The following ZFAND3 variants were observed in gnomAD, a reference collection of about 807,000 sequenced individuals.
ZFAND3 encodes the protein zinc finger AN1-type containing 3.
In ZFAND3, 10 loss-of-function variants were observed where a neutral mutation model predicts 29.6. That is an observed-to-expected ratio of 0.34 (90% confidence interval 0.21 to 0.57). ZFAND3 has a LOEUF of 0.57. ZFAND3 is among the 20% of genes least tolerant of loss of function. The pLI is 0.86. For missense variants in ZFAND3, 230 were observed against 304.5 expected (o/e 0.76, Z 1.82); for synonymous variants, 128 against 112.6 (o/e 1.14, Z -0.87).
At chr6:38,055,123 G>C (rs1272528877) in intron 2 of ZFAND3, among the ~76,000 whole-genome samples, 3 of 152,164 alleles carry the variant, frequency 2.0e-5, no homozygotes, top group African/African-American at 7.2e-5. Context: ...CCAAACTCTT[G>C]AGATATGGGA....
chr6:37,852,224 G>C (rs1009345102), intron 1 of ZFAND3, among the ~76,000 whole-genome samples: 4 of 152,168 alleles, frequency 2.6e-5, no homozygotes, highest in African/African-American at 9.7e-5. Context: ...GGATGGATTT[G>C]TCTTCCAAGG....
At chr6:38,119,271 T>C (rs571862776) in intron 5 of ZFAND3, among the ~76,000 whole-genome samples, 144 of 152,278 alleles carry the variant, frequency 9.5e-4, no homozygotes, top group Admixed American at 2.0e-3. Flanking sequence ...TGTACTGTTA[T>C]TTCCTTGAGG....
At chr6:38,066,836 T>C (rs1764355652) in intron 3 of ZFAND3, among the ~76,000 whole-genome samples, 1 of 152,188 alleles carries the variant, frequency 6.6e-6, no homozygotes, top group South Asian at 2.1e-4. Context: ...AAGAATTTCT[T>C]AATACGCTTC....
At position 37,863,179 on chromosome 6, in the gene ZFAND3, A is replaced by G. The variant is rs77466362; in HGVS notation, c.71+43163A>G. On this transcript the variant is annotated intron_variant, in intron 1 of 5. Transcript: ENST00000287218. ...CACATCAGGATAAGTTTATTCACCT[A>G]TTTGCTTTATTTACTCTTGCCAGAG... 5.7e-3 allele frequency among the ~76,000 whole-genome samples: 871 copies of G among 152,254 alleles called. 8 individuals carry two copies. The highest frequency in any genetic ancestry group is 0.02 in the African/African-American group (834 of 41,562).
intron 2 of ZFAND3, among the ~76,000 whole-genome samples, chr6:37,939,695 A>G (rs942720606): frequency 1.3e-5 from 2 of 152,164 alleles, no homozygotes; most frequent in African/African-American, 4.8e-5. Context: ...TGGGTTGGAT[A>G]CAGTTGGCCT....
chr6:37,987,454 A>G (rs1762690041), intron 2 of ZFAND3, among the ~76,000 whole-genome samples: 1 of 152,228 alleles, frequency 6.6e-6, no homozygotes, highest in Non-Finnish European at 1.5e-5. Context: ...GGAGTGAATT[A>G]TTCTGATAAA....
At position 38,153,737 on chromosome 6, in the gene ZFAND3, T is replaced by C; in HGVS notation, c.*1348T>C. The stretch of plus-strand genomic sequence containing the variant: ...ACTACCAGTCAGGTGGGGCTGGGGC[T>C]GGGTGGACAGGATCAGGATTCCCTT... On this transcript the variant is annotated 3_prime_UTR_variant, in exon 6 of 6. Coordinates refer to ENST00000287218, the MANE Select transcript of ZFAND3 (RefSeq NM_021943.3). 1.0e-6 allele frequency: 1 copy of C among 985,404 alleles called. No individual in the cohort carries two copies. Among genetic ancestry groups the C allele is most frequent in the Non-Finnish European group, 1.2e-6 (1 of 829,968 alleles). 61.0% of individuals were successfully genotyped at this position (985,404 alleles called of 1,614,324 possible).
At chr6:38,138,509 G>A (rs1765886361) in intron 5 of ZFAND3, among the ~76,000 whole-genome samples, 2 of 152,182 alleles carry the variant, frequency 1.3e-5, no homozygotes, top group Non-Finnish European at 2.9e-5. Flanking sequence ...ACACGCCTGA[G>A]CTCTAGCAGC....
At chr6:38,059,098 A>G (rs1764187109) in intron 2 of ZFAND3, among the ~76,000 whole-genome samples, 1 of 152,198 alleles carries the variant, frequency 6.6e-6, no homozygotes, top group African/African-American at 2.4e-5. Flanking sequence ...TTTTTAAAAT[A>G]TATAGAGAAT....
At chr6:38,076,685 G>A (rs1764559824) in intron 3 of ZFAND3, among the ~76,000 whole-genome samples, 1 of 152,112 alleles carries the variant, frequency 6.6e-6, no homozygotes, top group African/African-American at 2.4e-5. Context: ...AAATAAGAGG[G>A]CTATTATCTG....
chr6:38,092,477 A>T (rs559752861), intron 4 of ZFAND3, among the ~76,000 whole-genome samples: 1 of 152,234 alleles, frequency 6.6e-6, no homozygotes, highest in Non-Finnish European at 1.5e-5. Flanking sequence ...GATTATGCCA[A>T]TCATTAGGAG....
chr6:37,940,344 TATA>T (rs1417730700), intron 2 of ZFAND3, among the ~76,000 whole-genome samples: 3 of 152,220 alleles, frequency 2.0e-5, no homozygotes, highest in Non-Finnish European at 4.4e-5. Flanking sequence ...TTTTCCTGGA[TATA>T]ATACCCACTT....
chr6:38,045,431 T>G (rs145727438), intron 2 of ZFAND3, among the ~76,000 whole-genome samples: 1 of 152,280 alleles, frequency 6.6e-6, no homozygotes, highest in African/African-American at 2.4e-5. Flanking sequence ...ATATTTCTTA[T>G]GCATGCATTC....
chr6:38,072,450 A>G (rs886577478), intron 3 of ZFAND3, among the ~76,000 whole-genome samples: 1 of 152,118 alleles, frequency 6.6e-6, no homozygotes, highest in Admixed American at 6.6e-5. Flanking sequence ...CCCAATATGG[A>G]TTTCTTTAAA....
intron 1 of ZFAND3, among the ~76,000 whole-genome samples, chr6:37,905,208 A>C (rs1302180246): frequency 6.6e-6 from 1 of 152,100 alleles, no homozygotes; most frequent in African/African-American, 2.4e-5. Context: ...ACAAAATATA[A>C]ATTTTACTTT....
At chr6:37,876,645 C>G (rs952661613) in intron 1 of ZFAND3, among the ~76,000 whole-genome samples, 1 of 152,132 alleles carries the variant, frequency 6.6e-6, no homozygotes, top group South Asian at 2.1e-4. Context: ...CATATCAATT[C>G]GTACTCTAAG....
At chr6:37,830,681 C>T (rs76434832) in intron 1 of ZFAND3, among the ~76,000 whole-genome samples, 2 of 152,134 alleles carry the variant, frequency 1.3e-5, no homozygotes, top group Non-Finnish European at 2.9e-5. Flanking sequence ...CTCAACCTAC[C>T]TTTCTTTTAT....
chr6:38,010,025 T>A (rs987676898), intron 2 of ZFAND3, among the ~76,000 whole-genome samples: 8 of 152,234 alleles, frequency 5.3e-5, no homozygotes, highest in African/African-American at 1.7e-4. Flanking sequence ...CATCACTAAA[T>A]GTCTAAATAA....
chr6:38,073,720 G>A (rs781719172), intron 3 of ZFAND3, among the ~76,000 whole-genome samples: 4 of 152,174 alleles, frequency 2.6e-5, no homozygotes, highest in Non-Finnish European at 5.9e-5. Flanking sequence ...AGTATCAGTG[G>A]TAAGCGTTTG....
Sources: allele counts gnomAD v4.1 joint callset (sites outside exome capture counted in the v4.1 genomes callset), GRCh38; gene constraint gnomAD v4.1.1; transcripts MANE v1.5; gene names NCBI Gene and HGNC (gene_info 2026-07-23, HGNC 2026-07-21).